TANK: variants seen among roughly 807,000 people sequenced by gnomAD.
TANK encodes the protein TRAF family member associated NFKB activator.
A neutral mutation model predicts 43.6 loss-of-function variants in TANK; 15 were observed. The ratio of observed to expected loss-of-function variants is 0.34; its 90% CI spans 0.23 to 0.53. The LOEUF is 0.53. TANK is among the 20% of genes least tolerant of loss of function. The probability of loss-of-function intolerance (pLI) is 0.94; values close to 1 mark genes in which losing one functional copy is unlikely to be tolerated. For synonymous variants in TANK, 162 were observed against 178.2 expected (o/e 0.91, Z 0.73); for missense variants, 417 against 498.6 (o/e 0.84, Z 1.56).
chr2:161,155,818 A>G (rs181117878), upstream of TANK, among the ~76,000 whole-genome samples: 24 of 152,284 alleles, frequency 1.6e-4, no homozygotes, highest in Admixed American at 1.4e-3. Context: ...ATAATACCAC[A>G]TTGTATAGTA....
chr2:161,173,652 T>C (rs775438070), intron 1 of TANK, among the ~76,000 whole-genome samples: 1 of 152,114 alleles, frequency 6.6e-6, no homozygotes, highest in Non-Finnish European at 1.5e-5. Context: ...TTTTTAAACA[T>C]TTATAATTGA....
chr2:161,172,373 T>G lies in TANK; in HGVS notation c.-49-7241T>G, dbSNP rs536556942. ...TTTTCGGCTTTTTTTTTTTTTTTTTTTGGGGGTAAAACGATTTTGGCCTAA... is the reference window on the plus strand; with the variant it reads ...TTTTCGGCTTTTTTTTTTTTTTTTTGTGGGGGTAAAACGATTTTGGCCTAA... On this transcript the variant is annotated intron_variant, in intron 1 of 7. Coordinates refer to ENST00000392749, the MANE Select transcript of TANK (RefSeq NM_001199135.3). 2.9e-3 allele frequency among the ~76,000 whole-genome samples: 430 copies of G among 150,254 alleles called. 2 individuals are homozygous for G. Among genetic ancestry groups the G allele is most frequent in the Middle Eastern group, 0.01 (3 of 288 alleles).
chr2:161,229,869 A>G (rs1050958588), intron 6 of TANK, among the ~76,000 whole-genome samples: 1 of 152,200 alleles, frequency 6.6e-6, no homozygotes, highest in East Asian at 1.9e-4. Flanking sequence ...GCCTTCTTTA[A>G]GGGACATTGT....
intron 1 of TANK, among the ~76,000 whole-genome samples, chr2:161,140,568 T>C (rs1358061092): frequency 6.6e-6 from 1 of 152,092 alleles, no homozygotes; most frequent in African/African-American, 2.4e-5. Flanking sequence ...TTGCTTTATC[T>C]TTGTTAATAT....
chr2:161,235,538 A>G lies in TANK; in HGVS notation c.*20A>G, dbSNP rs748127636. On this transcript the variant is annotated 3_prime_UTR_variant, in exon 8 of 8. Transcript: ENST00000392749. ...ACTTAAGACACATTTGAAAACAGAC[A>G]TATCAAGTTCTATGTGATGATTTTG... 7 of 1,599,016 alleles carry G rather than the reference A, an allele frequency of 4.4e-6. No homozygotes were observed. The highest frequency in any genetic ancestry group is 6.0e-6 in the Non-Finnish European group (7 of 1,172,358).
chr2:161,196,883 G>A (rs1686176736), intron 2 of TANK, among the ~76,000 whole-genome samples: 1 of 152,092 alleles, frequency 6.6e-6, no homozygotes, highest in Admixed American at 6.6e-5. Flanking sequence ...TGGGAAGGTT[G>A]GTTTAAGGAT....
At chr2:161,161,933 A>C (rs898386248) in intron 1 of TANK, 9 of 152,292 alleles carry the variant, frequency 5.9e-5, no homozygotes, top group African/African-American at 1.9e-4. Flanking sequence ...CCACTCAAAA[A>C]TTCTTAAAAT....
intron 6 of TANK, among the ~76,000 whole-genome samples, chr2:161,230,679 A>T (rs961120230): frequency 5.9e-5 from 9 of 152,222 alleles, no homozygotes; most frequent in Non-Finnish European, 1.3e-4. Context: ...CTACAAGCAA[A>T]TGTTTTTCAA....
chr2:161,211,868 T>C, intron 4 of TANK: 2 of 985,248 alleles, frequency 2.0e-6, no homozygotes, highest in Non-Finnish European at 2.4e-6. Flanking sequence ...AATGTACCGC[T>C]TCTCCTGGTT....
chr2:161,210,533 C>T (rs1294268000), intron 4 of TANK, among the ~76,000 whole-genome samples: 1 of 151,880 alleles, frequency 6.6e-6, no homozygotes, highest in South Asian at 2.1e-4. Flanking sequence ...CCCGTCTCTA[C>T]TAAAAATACA....
At chr2:161,182,386 T>G (rs1473438174) in intron 2 of TANK, among the ~76,000 whole-genome samples, 1 of 152,162 alleles carries the variant, frequency 6.6e-6, no homozygotes, top group Non-Finnish European at 1.5e-5. Flanking sequence ...ACCAACTAGT[T>G]TCCAGTTGGA....
At chr2:161,219,900 G>A (rs552369731) in intron 4 of TANK, 9 of 338,802 alleles carry the variant, frequency 2.7e-5, no homozygotes, top group Non-Finnish European at 5.1e-5. Flanking sequence ...TCCTTTTTCT[G>A]TAGTGAATTT....
chr2:161,182,435 A>T (rs1293379466), intron 2 of TANK, among the ~76,000 whole-genome samples: 1 of 152,166 alleles, frequency 6.6e-6, no homozygotes, highest in African/African-American at 2.4e-5. Flanking sequence ...TTAATTTGCT[A>T]GAGTGGCTCA....
intron 1 of TANK, among the ~76,000 whole-genome samples, chr2:161,147,296 C>G (rs1036118288): frequency 2.0e-5 from 3 of 152,230 alleles, no homozygotes; most frequent in Non-Finnish European, 4.4e-5. Context: ...TCTCTCCCCC[C>G]AAGGAGCTCA....
chr2:161,217,404 A>C (rs911593961), intron 4 of TANK, among the ~76,000 whole-genome samples: 1 of 152,166 alleles, frequency 6.6e-6, no homozygotes, highest in African/African-American at 2.4e-5. Context: ...TCCAGCCAGA[A>C]TGTTAGTGGG....
intron 6 of TANK, among the ~76,000 whole-genome samples, 154 bp from the exon 7 acceptor site, chr2:161,230,817 G>A (rs569842650): frequency 3.9e-5 from 6 of 152,304 alleles, no homozygotes; most frequent in South Asian, 4.1e-4. Context: ...CTAATATTCT[G>A]TGTAAGATGG....
chr2:161,216,415 G>C (rs1384854278), intron 4 of TANK: 2 of 470,044 alleles, frequency 4.3e-6, no homozygotes, highest in East Asian at 7.0e-5. Flanking sequence ...TCTGTCCTCA[G>C]CTCTTGCTTC....
chr2:161,157,058 G>A (rs542939726), upstream of TANK, among the ~76,000 whole-genome samples: 6 of 151,418 alleles, frequency 4.0e-5, no homozygotes, highest in African/African-American at 9.8e-5. Context: ...AGAAACTAAT[G>A]GGAGAGATTA....
chr2:161,150,791 A>G (rs1684058210), intron 1 of TANK, among the ~76,000 whole-genome samples: 1 of 152,002 alleles, frequency 6.6e-6, no homozygotes, highest in Non-Finnish European at 1.5e-5. Flanking sequence ...AGGTTTCACC[A>G]TGTTGGCCAG....
Sources: allele counts gnomAD v4.1 joint callset (sites outside exome capture counted in the v4.1 genomes callset), GRCh38; gene constraint gnomAD v4.1.1; transcripts MANE v1.5; gene names NCBI Gene and HGNC (gene_info 2026-07-23, HGNC 2026-07-21).